The following KSR2 variants were observed in gnomAD, a reference collection of about 807,000 sequenced individuals.
KSR2 encodes kinase suppressor of ras 2.
Under a neutral mutation model 107.8 loss-of-function variants are expected in KSR2, and 25 were observed. That is an observed-to-expected ratio of 0.23 (90% confidence interval 0.17 to 0.32). KSR2 has a LOEUF of 0.32. Among genes scored for constraint, KSR2 ranks in the 10% least tolerant of loss-of-function variants. The pLI, the probability that KSR2 is intolerant of heterozygous loss-of-function variation, is 1.00. For synonymous variants in KSR2, 480 were observed against 507.0 expected (o/e 0.95, Z 0.71); for missense variants, 887 against 1,268.9 (o/e 0.70, Z 4.57).
chr12:117,624,406 G>A lies in KSR2; in HGVS notation c.1172-42047C>T, dbSNP rs957634663. ...CATCTTGAATTAATTTTTGTATAAG[G>A]TGTAAGGGATCCAGTTTCAGCTTTC... On this transcript the variant is annotated intron_variant, in intron 5 of 19. Coordinates refer to ENST00000339824, the MANE Select transcript of KSR2 (RefSeq NM_173598.6). 9.4e-4 allele frequency among the ~76,000 whole-genome samples: 143 copies of A among 152,206 alleles called. 2 individuals are homozygous for A. Among genetic ancestry groups the A allele is most frequent in the South Asian group, 1.9e-3 (9 of 4,810 alleles).
intron 4 of KSR2, among the ~76,000 whole-genome samples, chr12:117,694,891 C>T (rs1565965263): frequency 7.2e-6 from 1 of 138,170 alleles, no homozygotes; most frequent in African/African-American, 2.7e-5. Context: ...ACTCTGTTGC[C>T]TCAAGCTGGA....
intron 3 of KSR2, among the ~76,000 whole-genome samples, chr12:117,781,653 G>A (rs928930269): frequency 3.3e-5 from 5 of 152,186 alleles, no homozygotes; most frequent in African/African-American, 1.2e-4. Flanking sequence ...CAGGGACCAT[G>A]TCTTGGTATC....
At chr12:117,721,857 A>G (rs536036745) in intron 4 of KSR2, among the ~76,000 whole-genome samples, 45 of 152,284 alleles carry the variant, frequency 3.0e-4, no homozygotes, top group Middle Eastern at 6.8e-3. Flanking sequence ...AAAGACTAAC[A>G]TCGGTAGCCG....
chr12:117,506,448 A>G (rs1396603374), intron 14 of KSR2, among the ~76,000 whole-genome samples: 1 of 152,124 alleles, frequency 6.6e-6, no homozygotes, highest in African/African-American at 2.4e-5. Context: ...TGAGTTGTCA[A>G]TTTCAGGTTG....
At chr12:117,898,149 G>A (rs1894570666) in intron 1 of KSR2, among the ~76,000 whole-genome samples, 3 of 152,038 alleles carry the variant, frequency 2.0e-5, no homozygotes, top group South Asian at 2.1e-4. Context: ...AAAGAGTAAC[G>A]GGATCATGAA....
chr12:117,493,555 A>T (rs1363396613), intron 14 of KSR2, among the ~76,000 whole-genome samples: 2 of 151,310 alleles, frequency 1.3e-5, no homozygotes, highest in Non-Finnish European at 2.9e-5. Context: ...CAACTAGGTC[A>T]CTCCCCCCAA....
intron 4 of KSR2, among the ~76,000 whole-genome samples, chr12:117,697,133 C>T (rs1407618154): frequency 6.6e-6 from 1 of 152,176 alleles, no homozygotes; most frequent in Non-Finnish European, 1.5e-5. Context: ...CTTTCCTCCC[C>T]CTCGAGATGG....
chr12:117,761,039 G>T lies in KSR2; in HGVS notation c.958C>A (p.His320Asn). Reference sequence around the variant, plus strand: ...GGCGTGTGGGCCTCGTCCACGCGGTGCCCCAGCTGGAACTCGTGGGATTTG... The same window carrying T: ...GGCGTGTGGGCCTCGTCCACGCGGTTCCCCAGCTGGAACTCGTGGGATTTG... ...RSKSHEFQLG[H>N]RVDEAHTPKA... The change falls in exon 4 of 20, where the codon CAC becomes AAC. Residue 320 changes from histidine to asparagine, a missense_variant. By Grantham distance (68) the His-to-Asn change is moderately conservative (BLOSUM62 1). Around this residue, in one of 8 missense-constraint regions of KSR2, gnomAD observed 399 missense variants for 479.5 expected, o/e 0.83. Transcript: ENST00000339824. 6.2e-7 allele frequency: 1 copy of T among 1,613,752 alleles called. No individual in the cohort carries two copies. Among genetic ancestry groups the T allele is most frequent in the Non-Finnish European group, 8.5e-7 (1 of 1,179,738 alleles).
At chr12:117,633,447 A>G (rs1330664500) in intron 5 of KSR2, among the ~76,000 whole-genome samples, 2 of 152,182 alleles carry the variant, frequency 1.3e-5, no homozygotes, top group Non-Finnish European at 2.9e-5. Context: ...AACTACTATA[A>G]CAGAAAATCA....
chr12:117,538,396 C>A (rs1876204289), intron 10 of KSR2, among the ~76,000 whole-genome samples: 1 of 152,092 alleles, frequency 6.6e-6, no homozygotes, highest in African/African-American at 2.4e-5. Flanking sequence ...ACAGTGTGGG[C>A]AGGTGCTGTG....
chr12:117,941,613 C>CTT lies in KSR2; in HGVS notation c.180+26461_180+26462dup, dbSNP rs139487553. ...TGAAGCTATAAAATCACAGGCTTTC[C>CTT]TTTTTTTTTTTTTTTTTTTTTTTTT... On this transcript the variant is annotated intron_variant, in intron 1 of 19. Transcript: ENST00000339824. 1.6e-3 allele frequency among the ~76,000 whole-genome samples: 87 copies of CTT among 52,978 alleles called. 11 individuals are homozygous for CTT. Among genetic ancestry groups the CTT allele is most frequent in the East Asian group, 5.7e-3 (8 of 1,398 alleles). The allele number at this position is 52,978 out of a possible 152,430, so 34.8% of individuals were successfully genotyped here.
intron 3 of KSR2, among the ~76,000 whole-genome samples, chr12:117,775,018 T>G (rs1200979717): frequency 1.3e-5 from 2 of 152,256 alleles, no homozygotes; most frequent in African/African-American, 4.8e-5. Flanking sequence ...TATGGCTGAA[T>G]AATATGTATA....
chr12:117,746,666 T>C (rs931107340), intron 4 of KSR2, among the ~76,000 whole-genome samples: 5 of 152,050 alleles, frequency 3.3e-5, no homozygotes, highest in African/African-American at 1.2e-4. Flanking sequence ...TGGGAGAACA[T>C]TTTTGCAATC....
rs552654935 is a variant in KSR2, at chr12:117,620,897, A to G, written c.1172-38538T>C. Among the ~76,000 whole-genome samples, 6 of 152,316 alleles carry G rather than the reference A, an allele frequency of 3.9e-5. No homozygotes were observed. The East Asian group carries it at 1.2e-3, about 29-fold the overall frequency. On this transcript the variant is annotated intron_variant, in intron 5 of 19. Transcript: ENST00000339824. ...TTCTGCTTATATATTCACTACATAC[A>G]TACAAAACAAAACCTAAACATGTAG...
At chr12:117,517,756 TAAAAG>T in intron 14 of KSR2, 1 of 440,060 alleles carries the variant, frequency 2.3e-6, no homozygotes, top group South Asian at 1.7e-5. Context: ...TTTTTGAACA[TAAAAG>T]GAAGCCGCTT....
At chr12:117,517,768 G>T (rs904860143) in intron 14 of KSR2, 5 of 444,150 alleles carry the variant, frequency 1.1e-5, no homozygotes, top group East Asian at 7.0e-5. Context: ...AAAGGAAGCC[G>T]CTTCCACTCG....
At chr12:117,522,225 G>T (rs557360679) in intron 14 of KSR2, among the ~76,000 whole-genome samples, 1 of 152,104 alleles carries the variant, frequency 6.6e-6, no homozygotes, top group African/African-American at 2.4e-5. Flanking sequence ...ATGACCACTC[G>T]TTTTTCAAGG....
intron 7 of KSR2, among the ~76,000 whole-genome samples, chr12:117,565,481 T>C (rs551161348): frequency 2.5e-4 from 38 of 152,236 alleles, no homozygotes; most frequent in African/African-American, 7.7e-4. Flanking sequence ...TCTTAAGAGG[T>C]GTATATTGTT....
intron 1 of KSR2, among the ~76,000 whole-genome samples, chr12:117,930,077 C>T (rs906551161): frequency 7.2e-5 from 11 of 151,888 alleles, no homozygotes; most frequent in African/African-American, 2.4e-4. Context: ...CAGAGTCTCA[C>T]TCTATCACCC....
Sources: allele counts gnomAD v4.1 joint callset (sites outside exome capture counted in the v4.1 genomes callset), GRCh38; gene constraint gnomAD v4.1.1; regional missense constraint gnomAD v4.1.1; transcripts MANE v1.5; gene names NCBI Gene and HGNC (gene_info 2026-07-23, HGNC 2026-07-21).